Variants in LYSMD4 observed in about 807,000 individuals in gnomAD.
LYSMD4 encodes the protein lysM and putative peptidoglycan-binding domain-containing protein 4.
LYSMD4 carries 9 observed loss-of-function variants against 6.1 expected under a neutral mutation model. The ratio of observed to expected loss-of-function variants is 1.47; its 90% CI spans 0.88 to 2.56. The LOEUF (loss-of-function observed/expected upper bound fraction) is 2.56. LYSMD4 is among the 30% of genes most tolerant of loss of function. The probability of loss-of-function intolerance (pLI) is 0.00; values close to 1 mark genes in which losing one functional copy is unlikely to be tolerated. For synonymous variants in LYSMD4, 143 were observed against 148.5 expected (o/e 0.96, Z 0.27); for missense variants, 384 against 373.5 (o/e 1.03, Z -0.23).
exon 1 of LYSMD4, chr15:99,717,223 C>T (rs1367417873): frequency 6.5e-6 from 1 of 153,326 alleles, no homozygotes; most frequent in African/African-American, 2.4e-5. Flanking sequence ...CTGGTTGAGT[C>T]CTGTGGCTAA....
chr15:99,729,238 T>C lies in LYSMD4; in HGVS notation c.776A>G (p.Asn259Ser), dbSNP rs139777997. ...AACTGTACCCATTGCCATCGAGCCATTGGGGATGACAGTTGTGTTCAAGCT... is the reference window on the plus strand; with the variant it reads ...AACTGTACCCATTGCCATCGAGCCACTGGGGATGACAGTTGTGTTCAAGCT... The part of the protein sequence containing the change: ...PNSLNTTVIP[N>S]GSMAMGTVPG... The change falls in exon 3 of 3, where the codon AAT becomes AGT. Residue 259 changes from asparagine (N) to serine (S), a missense_variant. By Grantham distance (46) the Asn-to-Ser change is conservative (BLOSUM62 1). Transcript: ENST00000684762. 81 of 1,614,234 alleles carry C rather than the reference T, an allele frequency of 5.0e-5. No individual in the cohort carries two copies. Among genetic ancestry groups the C allele is most frequent in the African/African-American group, 2.8e-4 (21 of 75,066 alleles).
chr15:99,727,391 A>T (rs1239190086), downstream of LYSMD4: 2 of 152,192 alleles, frequency 1.3e-5, no homozygotes, highest in African/African-American at 4.8e-5. Flanking sequence ...AATTAAATAA[A>T]AAGGGGGAAT....
At chr15:99,732,888 G>C (rs1425423397) in intron 1 of LYSMD4, 1 of 154,618 alleles carries the variant, frequency 6.5e-6, no homozygotes, top group East Asian at 1.9e-4. Flanking sequence ...CCTGCCCGGA[G>C]GCGGGAGGCG....
chr15:99,726,648 G>A (rs1298510866), downstream of LYSMD4, among the ~76,000 whole-genome samples: 2 of 152,118 alleles, frequency 1.3e-5, no homozygotes, highest in Non-Finnish European at 2.9e-5. Flanking sequence ...AGTCCCTGCA[G>A]CTTTGTCTCT....
At chr15:99,718,996 G>A (rs1221153105), upstream of LYSMD4, among the ~76,000 whole-genome samples, 2 of 152,126 alleles carry the variant, frequency 1.3e-5, no homozygotes, top group African/African-American at 4.8e-5. Flanking sequence ...TTACGCGAAT[G>A]CTTTGGATTC....
chr15:99,723,529 G>A (rs1443773061), downstream of LYSMD4, among the ~76,000 whole-genome samples: 1 of 152,208 alleles, frequency 6.6e-6, no homozygotes, highest in Non-Finnish European at 1.5e-5. Context: ...TAGCCTGTTT[G>A]CCTTGCCCTG....
In LYSMD4 at chr15:99,731,965, TGGAA is replaced by T. The variant is rs1207983535; in HGVS notation, c.31_34del (p.Phe11LysfsTer102). 1 of 1,599,530 alleles carries T rather than the reference TGGAA, an allele frequency of 6.3e-7. No individual in the cohort carries two copies. The highest frequency in any genetic ancestry group is 8.5e-7 in the Non-Finnish European group (1 of 1,172,404). On this transcript the variant is annotated frameshift_variant, in exon 2 of 3. Transcript: ENST00000684762. LOFTEE classifies it high-confidence loss of function. ...AGTCCCACACACAACAGCTGGGCCT[TGGAA>T]GGTCTTGGTTAACAATTCCTCGTGC...
chr15:99,729,204 T>A lies in LYSMD4; in HGVS notation c.810A>T (p.Gln270His). 6.2e-7 allele frequency: 1 copy of A among 1,614,242 alleles called. No homozygotes were observed. Among genetic ancestry groups the A allele is most frequent in the Non-Finnish European group, 8.5e-7 (1 of 1,180,046 alleles). The change falls in exon 3 of 3, where the codon CAA (glutamine) becomes CAT (histidine). Residue 270 changes from glutamine (Q) to histidine (H), a missense_variant. Gln to His is a conservative substitution (Grantham distance 24). Coordinates refer to ENST00000684762, the MANE Select transcript of LYSMD4 (RefSeq NM_001284417.2). ...GSMAMGTVPG[Q>H]APRLAVAVPA... ...GCACTGCAACTGCTAGTCTGGGGGC[T>A]TGCCCTGGAACTGTACCCATTGCCA...
At chr15:99,732,884 C>A (rs2059454005) in intron 1 of LYSMD4, 2 of 154,388 alleles carry the variant, frequency 1.3e-5, no homozygotes, top group African/African-American at 4.8e-5. Flanking sequence ...TGAGCCTGCC[C>A]GGAGGCGGGA....
Position 99,729,488 on chromosome 15 carries a change from C to T in LYSMD4, c.526G>A (p.Asp176Asn). 3 of 1,614,144 alleles carry T rather than the reference C, an allele frequency of 1.9e-6. No individual in the cohort carries two copies. Among genetic ancestry groups the T allele is most frequent in the South Asian group, 2.2e-5 (2 of 91,076 alleles). ...TCTGACTGCACTGCACGCTCAATAT[C>T]CTGGTCAATCCCCTTAAAGAAGCCC... ...LMGFFKGIDQDIERAVQSEIF... is the reference protein window; with the variant it reads ...LMGFFKGIDQNIERAVQSEIF... Residue 176 changes from aspartate (D) to asparagine (N), a missense_variant, in exon 3 of 3, where the codon GAT (aspartate) becomes AAT (asparagine). Asp to Asn is a conservative substitution (Grantham distance 23). Coordinates refer to ENST00000684762, the MANE Select transcript of LYSMD4 (RefSeq NM_001284417.2).
rs939619529 is a variant in LYSMD4 at position 99,729,202 on chromosome 15, G to A, written c.812C>T (p.Ala271Val). 17 of 1,614,142 alleles carry A rather than the reference G, an allele frequency of 1.1e-5. No individual in the cohort carries two copies. Among genetic ancestry groups the A allele is most frequent in the African/African-American group, 2.7e-5 (2 of 74,950 alleles). ...SMAMGTVPGQ[A>V]PRLAVAVPAV... Reference sequence around the variant, plus strand: ...TGGCACTGCAACTGCTAGTCTGGGGGCTTGCCCTGGAACTGTACCCATTGC... The same window carrying A: ...TGGCACTGCAACTGCTAGTCTGGGGACTTGCCCTGGAACTGTACCCATTGC... The change falls in exon 3 of 3, where the codon GCC (alanine) becomes GTC (valine). Residue 271 changes from alanine (A) to valine (V), a missense_variant. Coordinates refer to ENST00000684762, the MANE Select transcript of LYSMD4 (RefSeq NM_001284417.2).
chr15:99,721,829 A>G (rs1417652989), upstream of LYSMD4, among the ~76,000 whole-genome samples: 1 of 152,256 alleles, frequency 6.6e-6, no homozygotes, highest in African/African-American at 2.4e-5. Flanking sequence ...AGTGCAGGAC[A>G]GTGATCTCTG....
intron 2 of LYSMD4, chr15:99,731,352 G>T (rs747797437): frequency 1.2e-6 from 2 of 1,611,796 alleles, no homozygotes; most frequent in Non-Finnish European, 1.7e-6. Context: ...AGAAAAGCAA[G>T]CATACCATAG....
At chr15:99,718,479 G>A (rs1314637739), upstream of LYSMD4, among the ~76,000 whole-genome samples, 2 of 152,246 alleles carry the variant, frequency 1.3e-5, no homozygotes, top group Non-Finnish European at 2.9e-5. Flanking sequence ...GTCTATAGCT[G>A]TGGTAGCTGC....
In LYSMD4 at chr15:99,729,575, C is replaced by T. The variant is rs532025773; in HGVS notation, c.439G>A (p.Val147Met). ...GCTCTGTCTGCCTCTGGCAGTTCCA[C>T]GGTCACTGTGGTCTCGGAAGACGGG... The part of the protein sequence containing the change: ...LSPSSETTVT[V>M]ELPEADRAGA... The change falls in exon 3 of 3, where the codon GTG becomes ATG. Residue 147 changes from valine (V) to methionine (M), a missense_variant. Coordinates refer to ENST00000684762, the MANE Select transcript of LYSMD4 (RefSeq NM_001284417.2). 24 of 1,614,180 alleles carry T rather than the reference C, an allele frequency of 1.5e-5. No individual in the cohort carries two copies. The highest frequency in any genetic ancestry group is 1.6e-4 in the Middle Eastern group (1 of 6,062).
At chr15:99,715,833 T>C (rs765901989) in exon 1 of LYSMD4, 1 of 152,252 alleles carries the variant, frequency 6.6e-6, no homozygotes, top group Non-Finnish European at 1.5e-5. Flanking sequence ...TGGAAGTCAC[T>C]GTTGTGTGTA....
chr15:99,727,708 G>GT lies in LYSMD4; in HGVS notation c.*1414_*1415insA, dbSNP rs2059303012. On this transcript the variant is annotated 3_prime_UTR_variant, in exon 3 of 3. Transcript: ENST00000684762. ...TAATTTGCTAATGGAACCCAGGCCA[G>GT]CTGTTTTTTCACACAACTGAAAGGA... The GT allele has an allele frequency of 6.6e-6, 1 of 152,248 alleles. No individual in the cohort carries two copies. 9.4% of individuals were successfully genotyped at this position (152,248 alleles called of 1,614,324 possible).
At chr15:99,725,506 C>T (rs1447155734), downstream of LYSMD4, among the ~76,000 whole-genome samples, 1 of 152,198 alleles carries the variant, frequency 6.6e-6, no homozygotes, top group Non-Finnish European at 1.5e-5. Context: ...AATCCTTTGA[C>T]TCTGCTGGAC....
rs770040306 is a variant in LYSMD4 at position 99,729,385 on chromosome 15, T to C, written c.629A>G (p.Asp210Gly). 2 of 1,614,174 alleles carry C rather than the reference T, an allele frequency of 1.2e-6. No individual in the cohort carries two copies. The highest frequency in any genetic ancestry group is 1.7e-6 in the Non-Finnish European group (2 of 1,180,022). The change falls in exon 3 of 3, where the codon GAT (aspartate) becomes GGT (glycine). Residue 210 changes from aspartate to glycine, a missense_variant. By Grantham distance (94) the Asp-to-Gly change is moderately conservative. Transcript: ENST00000684762. ...CCACTGAATGCCACAATCTGCACCA[T>C]CCATAGGCGTCTTCGGAGGTGCCGG... ...LLPAPPKTPMDGADCGIQWWN... is the reference protein window; with the variant it reads ...LLPAPPKTPMGGADCGIQWWN...
Sources: gnomAD v4.1 joint callset for allele counts (sites outside exome capture counted in the v4.1 genomes callset) on GRCh38, gnomAD v4.1.1 for gene constraint, MANE v1.5 for transcripts, NCBI Gene and HGNC (gene_info 2026-07-23, HGNC 2026-07-21) for gene names.